The following NDUFA10 variants were observed in gnomAD, a reference collection of about 807,000 sequenced individuals.
NDUFA10 encodes NADH:ubiquinone oxidoreductase subunit A10.
NDUFA10 carries 40 observed loss-of-function variants against 47.8 expected under a neutral mutation model. The ratio of observed to expected loss-of-function variants is 0.84; its 90% CI spans 0.65 to 1.09. The LOEUF is 1.09. NDUFA10 is among the 50% of genes least tolerant of loss of function. The probability of loss-of-function intolerance (pLI) is 0.00; values close to 1 mark genes in which losing one functional copy is unlikely to be tolerated. For synonymous variants in NDUFA10, 183 were observed against 172.2 expected (o/e 1.06, Z -0.49); for missense variants, 413 against 451.1 (o/e 0.92, Z 0.76).
At chr2:239,931,593 T>A (rs973413241) in intron 4 of NDUFA10, among the ~76,000 whole-genome samples, 3 of 152,166 alleles carry the variant, frequency 2.0e-5, no homozygotes, top group Non-Finnish European at 4.4e-5. Context: ...GCCCTCCAGA[T>A]CTCCAAGCGC....
intron 4 of NDUFA10, among the ~76,000 whole-genome samples, chr2:239,910,458 A>G (rs1693731464): frequency 6.6e-6 from 1 of 152,200 alleles, no homozygotes; most frequent in Non-Finnish European, 1.5e-5. Flanking sequence ...AGTCAAACTA[A>G]TGCAGGAACA....
intron 4 of NDUFA10, among the ~76,000 whole-genome samples, chr2:239,934,225 T>C (rs1293584004): frequency 1.3e-5 from 2 of 152,098 alleles, no homozygotes; most frequent in Non-Finnish European, 2.9e-5. Context: ...TGGATCCTAG[T>C]CTCCACACTG....
chr2:239,946,866 T>C (rs1694462203), intron 4 of NDUFA10, among the ~76,000 whole-genome samples: 1 of 152,244 alleles, frequency 6.6e-6, no homozygotes. Flanking sequence ...ATGCCTGCTG[T>C]GTGTCTTTGA....
At chr2:240,005,476 C>A (rs992542176) in intron 7 of NDUFA10, among the ~76,000 whole-genome samples, 181 bp from the exon 8 acceptor site, 1 of 152,098 alleles carries the variant, frequency 6.6e-6, no homozygotes, top group East Asian at 1.9e-4. Context: ...AGCACCTCAG[C>A]CTCCCGAGTT....
chr2:239,970,020 A>G (rs1695247344), intron 9 of NDUFA10, among the ~76,000 whole-genome samples: 1 of 152,248 alleles, frequency 6.6e-6, no homozygotes, highest in East Asian at 1.9e-4. Context: ...TGAAAATGAT[A>G]ATCCTGCCAC....
At chr2:239,912,754 G>A (rs1009407464) in intron 4 of NDUFA10, among the ~76,000 whole-genome samples, 2 of 152,180 alleles carry the variant, frequency 1.3e-5, no homozygotes, top group Non-Finnish European at 2.9e-5. Context: ...TGAGGACACA[G>A]GTGACAGAGG....
intron 4 of NDUFA10, among the ~76,000 whole-genome samples, chr2:239,896,534 G>C (rs116119899): frequency 5.9e-5 from 9 of 152,206 alleles, no homozygotes; most frequent in Non-Finnish European, 1.2e-4. Context: ...CCAGCCAGTG[G>C]GGCCACGGAA....
intron 4 of NDUFA10, among the ~76,000 whole-genome samples, chr2:240,015,580 G>A (rs1430757807): frequency 6.6e-6 from 1 of 152,248 alleles, no homozygotes; most frequent in Non-Finnish European, 1.5e-5. Context: ...AGCTAAGGCT[G>A]AGGAATAATT....
chr2:239,946,482 G>A (rs926860498), intron 4 of NDUFA10, among the ~76,000 whole-genome samples: 2 of 152,214 alleles, frequency 1.3e-5, no homozygotes, highest in African/African-American at 2.4e-5. Flanking sequence ...CAGGCACTGC[G>A]CTCAGAGCCA....
chr2:240,009,201 C>T (rs1172799820), intron 6 of NDUFA10, among the ~76,000 whole-genome samples: 1 of 152,244 alleles, frequency 6.6e-6, no homozygotes, highest in Non-Finnish European at 1.5e-5. Flanking sequence ...AAACTCGCTA[C>T]ATGTCAGGCT....
intron 4 of NDUFA10, among the ~76,000 whole-genome samples, chr2:239,925,768 G>A (rs748943757): frequency 6.6e-6 from 1 of 152,192 alleles, no homozygotes; most frequent in Non-Finnish European, 1.5e-5. Flanking sequence ...TCACCTGGCA[G>A]AGGACAAAAT....
At chr2:239,933,510 T>C (rs1420991839) in intron 4 of NDUFA10, among the ~76,000 whole-genome samples, 1 of 98,282 alleles carries the variant, frequency 1.0e-5, no homozygotes, top group African/African-American at 4.9e-5. Flanking sequence ...ATGGTTTTTT[T>C]TTTGTTTTTT....
intron 4 of NDUFA10, among the ~76,000 whole-genome samples, chr2:240,018,170 A>G (rs921115546): frequency 6.6e-6 from 1 of 152,224 alleles, no homozygotes; most frequent in South Asian, 2.1e-4. Flanking sequence ...TAACATCCCA[A>G]TTCATCAAAA....
intron 4 of NDUFA10, among the ~76,000 whole-genome samples, chr2:239,898,564 C>T (rs531661109): frequency 6.6e-6 from 1 of 152,370 alleles, no homozygotes; most frequent in East Asian, 1.9e-4. Context: ...CCGAAGAGGG[C>T]ACCAGCAGGG....
intron 4 of NDUFA10, among the ~76,000 whole-genome samples, chr2:239,942,016 A>C (rs1694368002): frequency 6.6e-6 from 1 of 152,252 alleles, no homozygotes; most frequent in African/African-American, 2.4e-5. Context: ...AAATGAGAAA[A>C]ACAAATGGAT....
At chr2:239,912,195 AC>A (rs35465691) in intron 4 of NDUFA10, among the ~76,000 whole-genome samples, 1 of 151,756 alleles carries the variant, frequency 6.6e-6, no homozygotes, top group Admixed American at 6.6e-5. Flanking sequence ...AGCACTTTGC[AC>A]CCCCCTCTGG....
At chr2:239,911,892 G>A (rs1238863611) in intron 4 of NDUFA10, among the ~76,000 whole-genome samples, 1 of 152,014 alleles carries the variant, frequency 6.6e-6, no homozygotes, top group Admixed American at 6.5e-5. Flanking sequence ...GGAAGTGGGG[G>A]AGGCACCGAC....
At chr2:240,012,207 G>C (rs1440515727) in intron 5 of NDUFA10, 1 of 180,486 alleles carries the variant, frequency 5.5e-6, no homozygotes, top group African/African-American at 2.4e-5. Flanking sequence ...CTCATCATCT[G>C]AAATGCACTA....
chr2:239,915,165 CACAA>C lies in NDUFA10; in HGVS notation c.295-19855_295-19852del, dbSNP rs200208226. Reference sequence around the variant, plus strand: ...ACAAATATACAGACACACAGAGATACACAAACATACACACACAGAACACACACGT... The same window carrying C: ...ACAAATATACAGACACACAGAGATACACATACACACACAGAACACACACGT... On this transcript the variant is annotated intron_variant, in intron 4 of 5. Coordinates refer to the NDUFA10 transcript ENST00000419408. 1.1e-4 allele frequency among the ~76,000 whole-genome samples: 15 copies of C among 133,290 alleles called. 1 individual carries two copies. The highest frequency in any genetic ancestry group is 2.2e-4 in the East Asian group (1 of 4,564). 87.4% of individuals were successfully genotyped at this position (133,290 alleles called of 152,430 possible). A position where few individuals can be genotyped will look rare whatever the true frequency, so the allele number is the denominator to read the frequency against.
Sources: allele counts gnomAD v4.1 joint callset (sites outside exome capture counted in the v4.1 genomes callset), GRCh38; gene constraint gnomAD v4.1.1; transcripts MANE v1.5; gene names NCBI Gene and HGNC (gene_info 2026-07-23, HGNC 2026-07-21).